The following STK39 variants were observed in gnomAD, a reference collection of about 807,000 sequenced individuals.
STK39 encodes STE20/SPS1-related proline-alanine-rich protein kinase.
Under a neutral mutation model 77.8 loss-of-function variants are expected in STK39, and 20 were observed. That is an observed-to-expected ratio of 0.26 (90% CI 0.18 to 0.37). The LOEUF (loss-of-function observed/expected upper bound fraction) is 0.37, where lower values mean the gene tolerates loss of function less well. Among genes scored for constraint, STK39 ranks in the 10% least tolerant of loss-of-function variants. The probability of loss-of-function intolerance (pLI) is 1.00; values close to 1 mark genes in which losing one functional copy is unlikely to be tolerated. For synonymous variants in STK39, 246 were observed against 234.1 expected (o/e 1.05, Z -0.47); for missense variants, 479 against 656.5 (o/e 0.73, Z 2.95).
At position 168,140,764 on chromosome 2, in the gene STK39, AGGG is replaced by A. The variant is rs1300675363; in HGVS notation, c.629-9_629-7del. On this transcript the variant is annotated splice_region_variant and splice_polypyrimidine_tract_variant and intron_variant, in intron 5 of 17. Transcript: ENST00000355999. ...GAACGCACTTACCCCAAAATCTGAA[AGGG>A]AAAAAAAAATCACCTTTATTTTATG... 7 of 1,572,344 alleles carry A rather than the reference AGGG, an allele frequency of 4.5e-6. No homozygotes were observed. In the Admixed American group the frequency reaches 7.9e-5, roughly 18 times the overall value.
intron 10 of STK39, among the ~76,000 whole-genome samples, chr2:168,087,235 G>A (rs969750959): frequency 7.9e-5 from 12 of 152,166 alleles, no homozygotes; most frequent in African/African-American, 1.7e-4. Flanking sequence ...GAGGGGTGGC[G>A]AAGAGAAAGA....
At chr2:168,182,998 C>T (rs1437914372) in intron 1 of STK39, among the ~76,000 whole-genome samples, 1 of 152,172 alleles carries the variant, frequency 6.6e-6, no homozygotes, top group Non-Finnish European at 1.5e-5. Flanking sequence ...TCAGGTAATA[C>T]TTCTCAAATG....
chr2:168,109,907 A>T (rs1390259019), intron 10 of STK39, among the ~76,000 whole-genome samples: 1 of 152,082 alleles, frequency 6.6e-6, no homozygotes, highest in Admixed American at 6.6e-5. Flanking sequence ...TTTTCTACTG[A>T]TTTGAAGAAG....
chr2:168,004,732 C>CAAA (rs529234296), intron 16 of STK39, among the ~76,000 whole-genome samples: 1 of 93,790 alleles, frequency 1.1e-5, no homozygotes, highest in Admixed American at 1.2e-4. Context: ...GACTCCATCT[C>CAAA]AAAAAAAAAA....
chr2:167,985,537 G>A (rs12986593), intron 16 of STK39, among the ~76,000 whole-genome samples: 19,442 of 152,142 alleles, frequency 0.13, 1,536 homozygotes, highest in South Asian at 0.22. Context: ...GTCTACAGAA[G>A]GAAGTTCCAA....
intron 10 of STK39, among the ~76,000 whole-genome samples, chr2:168,119,905 G>T (rs1338051156): frequency 2.6e-5 from 4 of 152,132 alleles, no homozygotes. Flanking sequence ...AAACTAAATG[G>T]TAACAAACTG....
At chr2:168,146,009 C>A (rs1164787183) in intron 5 of STK39, among the ~76,000 whole-genome samples, 2 of 152,188 alleles carry the variant, frequency 1.3e-5, no homozygotes, top group Non-Finnish European at 2.9e-5. Flanking sequence ...ACTCCTTACT[C>A]TTGCATGAAC....
At chr2:168,229,680 A>AT (rs1690402573) in intron 1 of STK39, among the ~76,000 whole-genome samples, 1 of 152,182 alleles carries the variant, frequency 6.6e-6, no homozygotes, top group East Asian at 1.9e-4. Flanking sequence ...ATAACGTGTT[A>AT]TTTTTCGGGC....
chr2:168,171,856 C>A (rs1010908471), intron 2 of STK39, among the ~76,000 whole-genome samples: 2 of 82,884 alleles, frequency 2.4e-5, no homozygotes, highest in African/African-American at 1.3e-4. Flanking sequence ...CCCCCCCACT[C>A]CCCCCTCCCC....
chr2:168,074,102 T>C (rs934564137), intron 12 of STK39, among the ~76,000 whole-genome samples: 4 of 152,018 alleles, frequency 2.6e-5, no homozygotes, highest in Non-Finnish European at 4.4e-5. Context: ...GAAGAAAGGG[T>C]GGCCTGTGGC....
chr2:168,196,272 C>A (rs924300258), intron 1 of STK39, among the ~76,000 whole-genome samples: 1 of 152,150 alleles, frequency 6.6e-6, no homozygotes, highest in Non-Finnish European at 1.5e-5. Flanking sequence ...CTAGTATGTG[C>A]CATGTGCTAT....
intron 10 of STK39, among the ~76,000 whole-genome samples, chr2:168,121,460 A>C (rs1389089869): frequency 6.6e-6 from 1 of 152,204 alleles, no homozygotes. Flanking sequence ...GTAGTGAAAG[A>C]AAGCCCTGGT....
At chr2:168,227,952 T>C (rs1274687350) in intron 1 of STK39, among the ~76,000 whole-genome samples, 1 of 152,136 alleles carries the variant, frequency 6.6e-6, no homozygotes, top group Non-Finnish European at 1.5e-5. Flanking sequence ...CCACCGCGCC[T>C]GGCCAAAACG....
At chr2:168,176,402 C>T (rs995065424) in intron 2 of STK39, among the ~76,000 whole-genome samples, 6 of 152,086 alleles carry the variant, frequency 3.9e-5, no homozygotes, top group African/African-American at 1.4e-4. Flanking sequence ...ATGAGAGCAA[C>T]CTGCATCAGA....
At chr2:168,019,903 C>G (rs11691251) in intron 14 of STK39, among the ~76,000 whole-genome samples, 8,529 of 152,024 alleles carry the variant, frequency 0.056, 830 homozygotes, top group African/African-American at 0.19. Flanking sequence ...CAGGGTTTCA[C>G]CATGTTGGCC....
At chr2:167,956,702 T>TCACACA (rs1392202471) in intron 17 of STK39, among the ~76,000 whole-genome samples, 4 of 75,828 alleles carry the variant, frequency 5.3e-5, no homozygotes, top group Non-Finnish European at 7.3e-5. Flanking sequence ...ACACACTCTC[T>TCACACA]CTCTCTCTCT....
chr2:168,012,597 C>A lies in STK39; in HGVS notation c.1498+37G>T, dbSNP rs1363567196. ...TCCAAACACATTTCCATTTTATATA[C>A]CAACAAAATGACAGTGCATACTAAA... On this transcript the variant is annotated intron_variant, in intron 16 of 17. Coordinates refer to ENST00000355999, the MANE Select transcript of STK39 (RefSeq NM_013233.3). 5 of 1,557,904 alleles carry A rather than the reference C, an allele frequency of 3.2e-6. No individual in the cohort carries two copies. The Admixed American group carries it at 6.9e-5, about 21-fold the overall frequency.
chr2:168,161,151 C>G (rs138191591), intron 5 of STK39, among the ~76,000 whole-genome samples: 4 of 152,082 alleles, frequency 2.6e-5, no homozygotes, highest in Admixed American at 1.3e-4. Flanking sequence ...AGACTTTCAA[C>G]GACATGGGTA....
At chr2:168,233,381 A>T (rs1690510633) in intron 1 of STK39, among the ~76,000 whole-genome samples, 1 of 152,230 alleles carries the variant, frequency 6.6e-6, no homozygotes, top group Non-Finnish European at 1.5e-5. Flanking sequence ...AATGTGAGAA[A>T]GTACACACTG....
Sources: gnomAD v4.1 joint callset for allele counts (sites outside exome capture counted in the v4.1 genomes callset) on GRCh38, gnomAD v4.1.1 for gene constraint, MANE v1.5 for transcripts, NCBI Gene and HGNC (gene_info 2026-07-23, HGNC 2026-07-21) for gene names.